The following HHIP variants were observed in gnomAD, a reference collection of about 807,000 sequenced individuals.
HHIP encodes the protein hedgehog interacting protein, also known as hedgehog-interacting protein.
Under a neutral mutation model 74.0 loss-of-function variants are expected in HHIP, and 12 were observed. The ratio of observed to expected loss-of-function variants is 0.16; its 90% CI spans 0.10 to 0.26. HHIP has a LOEUF of 0.26. Ranked by LOEUF, HHIP falls within the 10% of genes least tolerant of loss-of-function variation. The pLI, the probability that HHIP is intolerant of heterozygous loss-of-function variation, is 1.00. For synonymous variants in HHIP, 309 were observed against 311.6 expected, an observed-to-expected ratio of 0.99 and a Z score of 0.09; for missense variants, 788 against 845.0, an observed-to-expected ratio of 0.93 and a Z score of 0.84.
intron 10 of HHIP, 90 bp downstream of exon 10, chr4:144,715,520 T>C: frequency 1.6e-6 from 2 of 1,226,612 alleles, no homozygotes; most frequent in South Asian, 1.5e-5. Context: ...ACAGCAATCT[T>C]ATCCTCTACT....
In HHIP at chr4:144,744,766, G is replaced by A. The variant is rs1731337981; in HGVS notation, c.*6809G>A. ...GATTATGTGCTGTAGAAAAGACAAG[G>A]ACATTTACTAGGGGGGGATTGTGGG... On this transcript the variant is annotated 3_prime_UTR_variant, in exon 13 of 13. Transcript: ENST00000296575. 1 of 45,986 alleles carries A rather than the reference G, an allele frequency of 2.2e-5. No individual in the cohort carries two copies. The highest frequency in any genetic ancestry group is 6.2e-5 in the African/African-American group (1 of 16,234). The allele number at this position is 45,986 out of a possible 1,614,324, so 2.8% of individuals were successfully genotyped here.
At chr4:144,653,424 A>G (rs187771233) in intron 2 of HHIP, among the ~76,000 whole-genome samples, 1 of 152,272 alleles carries the variant, frequency 6.6e-6, no homozygotes. Context: ...TAGGAGAGAT[A>G]TGGAATTTCT....
At chr4:144,723,291 G>A (rs775242973) in intron 11 of HHIP, among the ~76,000 whole-genome samples, 4 of 152,046 alleles carry the variant, frequency 2.6e-5, no homozygotes, top group Non-Finnish European at 5.9e-5. Context: ...CATACATGTT[G>A]TATCCCCAAT....
At chr4:144,713,335 T>C (rs1005896907) in intron 8 of HHIP, among the ~76,000 whole-genome samples, 3 of 152,180 alleles carry the variant, frequency 2.0e-5, no homozygotes, top group African/African-American at 7.2e-5. Context: ...TACCTCTCAG[T>C]GTGCTCATTA....
chr4:144,738,332 T>C lies in HHIP; in HGVS notation c.*375T>C, dbSNP rs2126696905. ...CTGTAATCACTAAAGTCAACTTTAATAGAGTTTTGAAACAGTACTGTGCAA... is the reference window on the plus strand; with the variant it reads ...CTGTAATCACTAAAGTCAACTTTAACAGAGTTTTGAAACAGTACTGTGCAA... On this transcript the variant is annotated 3_prime_UTR_variant, in exon 13 of 13. Transcript: ENST00000296575. 3 of 982,846 alleles carry C rather than the reference T, an allele frequency of 3.1e-6. No homozygotes were observed. Among genetic ancestry groups the C allele is most frequent in the Non-Finnish European group, 3.6e-6 (3 of 826,810 alleles). 60.9% of individuals were successfully genotyped at this position (982,846 alleles called of 1,614,324 possible).
intron 4 of HHIP, among the ~76,000 whole-genome samples, chr4:144,695,559 T>C (rs1354519318): frequency 1.3e-5 from 2 of 151,814 alleles, no homozygotes. Context: ...ATATTGTAAT[T>C]TGCCATCGGT....
chr4:144,738,477 C>A lies in HHIP; in HGVS notation c.*520C>A. On this transcript the variant is annotated 3_prime_UTR_variant, in exon 13 of 13. Coordinates refer to ENST00000296575, the MANE Select transcript of HHIP (RefSeq NM_022475.3). ...GAGCAACTTGATATAAAATTGTAAT[C>A]TTCATTTTTGTCAGTGTATCCAGTT... is the stretch of plus-strand genomic sequence containing the variant. 3 of 982,064 alleles carry A rather than the reference C, an allele frequency of 3.1e-6. No homozygotes were observed. Among genetic ancestry groups the A allele is most frequent in the Non-Finnish European group, 2.4e-6 (2 of 826,596 alleles). The allele number at this position is 982,064 out of a possible 1,614,324, so 60.8% of individuals were successfully genotyped here.
At chr4:144,707,353 T>C in intron 6 of HHIP, 93 bp downstream of exon 6, 1 of 1,025,770 alleles carries the variant, frequency 9.7e-7, no homozygotes, top group Admixed American at 2.5e-5. Flanking sequence ...AGAACCATCT[T>C]TGAATGGTCA....
chr4:144,718,998 C>T (rs1202701336), intron 11 of HHIP, 42 bp downstream of exon 11: 2 of 1,211,166 alleles, frequency 1.7e-6, no homozygotes, highest in Non-Finnish European at 2.4e-6. Context: ...TAATTTTCTT[C>T]TTCCAATTAT....
At chr4:144,672,443 C>G (rs966363081) in intron 4 of HHIP, among the ~76,000 whole-genome samples, 8 of 152,014 alleles carry the variant, frequency 5.3e-5, no homozygotes, top group Non-Finnish European at 1.0e-4. Flanking sequence ...ACCATGACTT[C>G]GAAGTGGACA....
At chr4:144,678,172 T>C (rs1729225918) in intron 4 of HHIP, among the ~76,000 whole-genome samples, 1 of 152,226 alleles carries the variant, frequency 6.6e-6, no homozygotes, top group South Asian at 2.1e-4. Context: ...GGAATCACTG[T>C]AATTTGCATC....
intron 4 of HHIP, among the ~76,000 whole-genome samples, chr4:144,667,999 AATT>A (rs550245759): frequency 4.0e-5 from 6 of 151,738 alleles, no homozygotes; most frequent in South Asian, 2.1e-4. Flanking sequence ...TTTCTCAAGA[AATT>A]ATTATTATTA....
intron 7 of HHIP, among the ~76,000 whole-genome samples, chr4:144,710,409 A>G (rs1730260259): frequency 6.6e-6 from 1 of 152,202 alleles, no homozygotes; most frequent in Admixed American, 6.5e-5. Flanking sequence ...CATCTTTGGC[A>G]GGTCACGCTT....
rs1269326590 is a variant in HHIP, at chr4:144,738,854, T to C, written c.*897T>C. 1 of 196,184 alleles carries C rather than the reference T, an allele frequency of 5.1e-6. No individual in the cohort carries two copies. The highest frequency in any genetic ancestry group is 9.3e-6 in the Non-Finnish European group (1 of 107,964). The allele number at this position is 196,184 out of a possible 1,614,324, so 12.2% of individuals were successfully genotyped here. A position where few individuals can be genotyped will look rare whatever the true frequency, so the allele number is the denominator to read the frequency against. ...GCTGTGGATCTAATCTAGCAAGGTA[T>C]CCTTGTGCCAACATGTAATCATTAA... On this transcript the variant is annotated 3_prime_UTR_variant, in exon 13 of 13. Coordinates refer to ENST00000296575, the MANE Select transcript of HHIP (RefSeq NM_022475.3).
chr4:144,658,970 A>T, intron 3 of HHIP, 24 bp downstream of exon 3: 1 of 1,558,776 alleles, frequency 6.4e-7, no homozygotes, highest in Non-Finnish European at 8.7e-7. Context: ...AATGCTCTTT[A>T]ATCTTTTTAA....
chr4:144,720,138 C>T (rs1457600848), intron 11 of HHIP, among the ~76,000 whole-genome samples: 3 of 152,060 alleles, frequency 2.0e-5, no homozygotes, highest in African/African-American at 7.2e-5. Flanking sequence ...AAGATAAATA[C>T]CCATCTATAT....
chr4:144,707,309 A>C (rs2126654344), intron 6 of HHIP, 49 bp downstream of exon 6: 1 of 1,462,214 alleles, frequency 6.8e-7, no homozygotes, highest in Non-Finnish European at 9.2e-7. Context: ...AAATAGTTTA[A>C]GTGCCAGAAG....
intron 4 of HHIP, among the ~76,000 whole-genome samples, chr4:144,672,732 T>G (rs1578689278): frequency 6.6e-6 from 1 of 152,272 alleles, no homozygotes; most frequent in South Asian, 2.1e-4. Flanking sequence ...GATGGAGTCT[T>G]GCTTTGTCAC....
chr4:144,678,016 A>C (rs774264994), intron 4 of HHIP, among the ~76,000 whole-genome samples: 2 of 152,182 alleles, frequency 1.3e-5, no homozygotes, highest in Non-Finnish European at 2.9e-5. Flanking sequence ...GTAACTTCTA[A>C]GTTGCAGAAA....
Sources: gnomAD v4.1 joint callset for allele counts (sites outside exome capture counted in the v4.1 genomes callset) on GRCh38, gnomAD v4.1.1 for gene constraint, MANE v1.5 for transcripts, NCBI Gene and HGNC (gene_info 2026-07-23, HGNC 2026-07-21) for gene names.